ZC3H13: variants seen among roughly 807,000 people sequenced by gnomAD.
The protein encoded by ZC3H13 is zinc finger CCCH domain-containing protein 13.
Under a neutral mutation model 204.1 loss-of-function variants are expected in ZC3H13, and 64 were observed. The observed-to-expected ratio is 0.31, with a 90% CI of 0.26 to 0.39. The LOEUF (loss-of-function observed/expected upper bound fraction) is 0.39. Ranked by LOEUF, ZC3H13 falls within the 10% of genes least tolerant of loss-of-function variation. The pLI, the probability that ZC3H13 is intolerant of heterozygous loss-of-function variation, is 1.00. For synonymous variants in ZC3H13, 667 were observed against 693.7 expected, an observed-to-expected ratio of 0.96 and a Z score of 0.60; for missense variants, 1,833 against 2,082.7, an observed-to-expected ratio of 0.88 and a Z score of 2.33.
At chr13:46,029,629 C>T (rs1176357756) in intron 4 of ZC3H13, among the ~76,000 whole-genome samples, 2 of 151,510 alleles carry the variant, frequency 1.3e-5, no homozygotes, top group Admixed American at 6.6e-5. Context: ...GGGGTTTCAC[C>T]GTGTTAGCCA....
intron 5 of ZC3H13, among the ~76,000 whole-genome samples, chr13:46,020,208 A>G (rs2042141996): frequency 6.6e-6 from 1 of 152,170 alleles, no homozygotes; most frequent in Admixed American, 6.6e-5. Context: ...GCTGCACAAT[A>G]AAGTTCTAGA....
chr13:46,051,747 A>T (rs2044437748), intron 1 of ZC3H13, among the ~76,000 whole-genome samples: 1 of 152,202 alleles, frequency 6.6e-6, no homozygotes, highest in Non-Finnish European at 1.5e-5. Flanking sequence ...TAGTATAACC[A>T]AATACCTTAA....
At chr13:46,009,948 A>C (rs1371395178) in intron 7 of ZC3H13, among the ~76,000 whole-genome samples, 1 of 152,174 alleles carries the variant, frequency 6.6e-6, no homozygotes, top group African/African-American at 2.4e-5. Context: ...AACATAAAAA[A>C]TGTTGAGTGA....
intron 10 of ZC3H13, among the ~76,000 whole-genome samples, chr13:45,985,086 C>G (rs1323189165): frequency 6.6e-6 from 1 of 152,116 alleles, no homozygotes; most frequent in African/African-American, 2.4e-5. Flanking sequence ...ACTGGATATA[C>G]TTAGGGGGGG....
chr13:46,010,458 T>C lies in ZC3H13; in HGVS notation c.636A>G (p.Leu212=), dbSNP rs367601347. 10 of 1,613,672 alleles carry C rather than the reference T, an allele frequency of 6.2e-6. No individual in the cohort carries two copies. The African/African-American group carries it at 9.3e-5, about 15-fold the overall frequency. The part of the protein sequence containing the change: ...VRSKLSPSPS[L]RKSSKSPKRK... ...GCTTCGGAGATTTGCTAGACTTTCTTAGAGAAGGTGACGGGGACAATTTTG... is the reference window on the plus strand; with the variant it reads ...GCTTCGGAGATTTGCTAGACTTTCTCAGAGAAGGTGACGGGGACAATTTTG... The change falls in exon 7 of 19, where the codon CTA becomes CTG. Residue 212 remains leucine (L), a synonymous_variant. Transcript: ENST00000679008.
At chr13:45,974,246 G>C (rs1393380083) in intron 12 of ZC3H13, among the ~76,000 whole-genome samples, 1 of 152,162 alleles carries the variant, frequency 6.6e-6, no homozygotes, top group Non-Finnish European at 1.5e-5. Context: ...TGAACACTGT[G>C]ATCAGCTTAG....
At position 45,968,818 on chromosome 13, in the gene ZC3H13, T is replaced by C. The variant is rs1952312263; in HGVS notation, c.3726A>G (p.Glu1242=). The change falls in exon 14 of 19, where the codon GAA becomes GAG. Residue 1242 remains glutamate, a synonymous_variant. Transcript: ENST00000679008. ...SRDREKTKSL[E]ITGERKSRID... is the part of the protein sequence containing the mutation. The stretch of plus-strand genomic sequence containing the variant: ...TCCTAGATTTTCTCTCTCCTGTGAT[T>C]TCCAGGCTTTTTGTTTTTTCTCTAT... 6.2e-7 allele frequency: 1 copy of C among 1,613,894 alleles called. No homozygotes were observed. The highest frequency in any genetic ancestry group is 8.5e-7 in the Non-Finnish European group (1 of 1,179,956).
intron 12 of ZC3H13, among the ~76,000 whole-genome samples, chr13:45,974,232 CT>C (rs1952827325): frequency 6.6e-6 from 1 of 152,186 alleles, no homozygotes; most frequent in Non-Finnish European, 1.5e-5. Flanking sequence ...GTCTAGAATT[CT>C]CATGAACACT....
chr13:45,956,182 TA>T lies in ZC3H13; in HGVS notation c.*944del, dbSNP rs1951265176. ...AAAGTTATAGCTCTAAAAAATATGA[TA>T]GTAGAATATTAAACCTCAGGTTACG... On this transcript the variant is annotated 3_prime_UTR_variant, in exon 19 of 19. Transcript: ENST00000679008. 1 of 152,146 alleles carries T rather than the reference TA, an allele frequency of 6.6e-6. No individual in the cohort carries two copies. The highest frequency in any genetic ancestry group is 2.1e-4 in the South Asian group (1 of 4,830). 9.4% of individuals were successfully genotyped at this position (152,146 alleles called of 1,614,324 possible).
intron 4 of ZC3H13, among the ~76,000 whole-genome samples, chr13:46,021,487 C>G (rs1465908093): frequency 6.7e-6 from 1 of 150,356 alleles, no homozygotes; most frequent in Non-Finnish European, 1.5e-5. Context: ...GCTCAAATTT[C>G]TTTCTGAGCA....
intron 7 of ZC3H13, 30 bp from the exon 8 acceptor site, chr13:46,003,366 G>C (rs2040889784): frequency 6.3e-7 from 1 of 1,575,670 alleles, no homozygotes; most frequent in Non-Finnish European, 8.6e-7. Flanking sequence ...ATCATTAGAG[G>C]TTCAAATATG....
At chr13:45,990,100 T>C (rs1383366222) in intron 8 of ZC3H13, among the ~76,000 whole-genome samples, 1 of 152,226 alleles carries the variant, frequency 6.6e-6, no homozygotes, top group Non-Finnish European at 1.5e-5. Context: ...CTAGCACTAC[T>C]GACATTTTGT....
intron 3 of ZC3H13, among the ~76,000 whole-genome samples, chr13:46,043,994 C>A (rs1008068434): frequency 3.1e-4 from 47 of 151,912 alleles, no homozygotes; most frequent in Admixed American, 3.1e-3. Flanking sequence ...AATCTTCCCA[C>A]ATTAACGGAA....
intron 7 of ZC3H13, among the ~76,000 whole-genome samples, chr13:46,007,812 CTT>C: frequency 6.6e-6 from 1 of 152,084 alleles, no homozygotes; most frequent in East Asian, 1.9e-4. Context: ...AGTTTTTAAT[CTT>C]TTCTCTCTCT....
At chr13:46,049,139 A>G (rs908240821) in intron 1 of ZC3H13, among the ~76,000 whole-genome samples, 1 of 144,830 alleles carries the variant, frequency 6.9e-6, no homozygotes, top group Non-Finnish European at 1.5e-5. Context: ...CAACAGAGGG[A>G]GACTCCGTCT....
rs1359955204 is a variant in ZC3H13 at position 45,957,292 on chromosome 13, G to A, written c.4845C>T (p.Thr1615=). The change falls in exon 19 of 19, where the codon ACC becomes ACT. Residue 1615 remains threonine (T), a synonymous_variant. Coordinates refer to ENST00000679008, the MANE Select transcript of ZC3H13 (RefSeq NM_001330564.2). Reference sequence around the variant, plus strand: ...GAGCACTCGTGTAAGCTTGTTTTATGGTGCCCTATTTGAAGAAAACAAAAA... The same window carrying A: ...GAGCACTCGTGTAAGCTTGTTTTATAGTGCCCTATTTGAAGAAAACAAAAA... The part of the protein sequence containing the change: ...RKQLVKNEKG[T]IKQAYTSAPM... The A allele has an allele frequency of 2.0e-6, 3 of 1,506,276 alleles. No individual in the cohort carries two copies. The highest frequency in any genetic ancestry group is 1.4e-5 in the African/African-American group (1 of 71,710). 93.3% of individuals were successfully genotyped at this position (1,506,276 alleles called of 1,614,324 possible). A position where few individuals can be genotyped will look rare whatever the true frequency, so the allele number is the denominator to read the frequency against.
At chr13:45,963,691 C>T (rs1951855626) in intron 17 of ZC3H13, 151 bp downstream of exon 17, 3 of 1,471,566 alleles carry the variant, frequency 2.0e-6, no homozygotes, top group Admixed American at 2.5e-5. Context: ...GAAACTTTGA[C>T]CATGAGGGTT....
intron 17 of ZC3H13, chr13:45,963,568 A>G (rs1315134557): frequency 8.5e-7 from 1 of 1,181,228 alleles, no homozygotes; most frequent in East Asian, 5.4e-5. Context: ...GACTACAGAC[A>G]TGCAACACCA....
intron 8 of ZC3H13, among the ~76,000 whole-genome samples, chr13:45,993,614 A>AGAGT (rs1251817361): frequency 6.6e-6 from 1 of 152,250 alleles, no homozygotes; most frequent in Non-Finnish European, 1.5e-5. Context: ...AAAGCACTGG[A>AGAGT]GAGTGATAGG....
Sources: allele counts gnomAD v4.1 joint callset (sites outside exome capture counted in the v4.1 genomes callset), GRCh38; gene constraint gnomAD v4.1.1; transcripts MANE v1.5; gene names NCBI Gene and HGNC (gene_info 2026-07-23, HGNC 2026-07-21).